The following CCSER1 variants were observed in gnomAD, a reference collection of about 807,000 sequenced individuals.
The protein encoded by CCSER1 is serine-rich coiled-coil domain-containing protein 1.
A neutral mutation model predicts 82.0 loss-of-function variants in CCSER1; 41 were observed. The observed-to-expected ratio is 0.50, with a 90% CI of 0.39 to 0.65. The LOEUF (loss-of-function observed/expected upper bound fraction) is 0.65, where lower values mean the gene tolerates loss of function less well. CCSER1 is among the 30% of genes least tolerant of loss of function. The probability of loss-of-function intolerance (pLI) is 0.00; values close to 1 mark genes in which losing one functional copy is unlikely to be tolerated. For synonymous variants in CCSER1, 414 were observed against 383.9 expected, an observed-to-expected ratio of 1.08 and a Z score of -0.92; for missense variants, 1,119 against 1,064.2, an observed-to-expected ratio of 1.05 and a Z score of -0.72.
At chr4:90,552,942 C>G (rs181620769) in intron 5 of CCSER1, among the ~76,000 whole-genome samples, 1 of 151,172 alleles carries the variant, frequency 6.6e-6, no homozygotes, top group Admixed American at 6.6e-5. Flanking sequence ...AGTGTTAGCT[C>G]TTAACAATTC....
intron 10 of CCSER1, among the ~76,000 whole-genome samples, chr4:91,356,337 G>T (rs1210760121): frequency 6.6e-6 from 1 of 152,224 alleles, no homozygotes; most frequent in Non-Finnish European, 1.5e-5. Context: ...GTTGCTGTTG[G>T]TTGTAATAGA....
At chr4:90,557,433 T>C (rs1006670034) in intron 5 of CCSER1, among the ~76,000 whole-genome samples, 2 of 152,098 alleles carry the variant, frequency 1.3e-5, no homozygotes, top group African/African-American at 4.8e-5. Context: ...GTAGAACAAA[T>C]TGGCCTCATT....
At chr4:90,609,762 T>G (rs1560805949) in intron 5 of CCSER1, among the ~76,000 whole-genome samples, 1 of 152,236 alleles carries the variant, frequency 6.6e-6, no homozygotes, top group East Asian at 1.9e-4. Flanking sequence ...TAGATTCGGC[T>G]ACTGAATTTA....
chr4:91,510,781 CTG>C (rs1460316828), intron 10 of CCSER1, among the ~76,000 whole-genome samples: 8 of 152,124 alleles, frequency 5.3e-5, no homozygotes, highest in Admixed American at 5.2e-4. Context: ...GTTGTATACT[CTG>C]TACTTTTTGC....
At chr4:90,516,592 T>C (rs1772305645) in intron 5 of CCSER1, among the ~76,000 whole-genome samples, 3 of 152,134 alleles carry the variant, frequency 2.0e-5, no homozygotes, top group African/African-American at 7.2e-5. Context: ...TGACCCTGCT[T>C]TACCTTCTGC....
chr4:91,168,670 C>G (rs1732427758), intron 10 of CCSER1, among the ~76,000 whole-genome samples: 2 of 152,100 alleles, frequency 1.3e-5, no homozygotes, highest in Admixed American at 6.5e-5. Context: ...GCCCGACCGC[C>G]CCATCTGGGA....
At chr4:90,295,047 G>C (rs1435432985) in intron 1 of CCSER1, among the ~76,000 whole-genome samples, 2 of 151,638 alleles carry the variant, frequency 1.3e-5, no homozygotes, top group African/African-American at 4.8e-5. Context: ...TATATGTTTA[G>C]CTCTTATATA....
chr4:90,423,729 G>A (rs1180413896), intron 4 of CCSER1, among the ~76,000 whole-genome samples: 1 of 151,898 alleles, frequency 6.6e-6, no homozygotes, highest in African/African-American at 2.4e-5. Context: ...CGCCTGCATC[G>A]GCTTCCCAAA....
chr4:90,932,103 T>C (rs1729893883), intron 9 of CCSER1, among the ~76,000 whole-genome samples: 1 of 152,204 alleles, frequency 6.6e-6, no homozygotes, highest in Non-Finnish European at 1.5e-5. Context: ...TTATGCTCTG[T>C]AAAATAAGAA....
chr4:91,407,612 G>A (rs1233803830), intron 10 of CCSER1, among the ~76,000 whole-genome samples: 1 of 152,168 alleles, frequency 6.6e-6, no homozygotes, highest in Non-Finnish European at 1.5e-5. Context: ...GCATCATGTA[G>A]CTTCTGCTTC....
chr4:91,485,144 T>G (rs1758147356), intron 10 of CCSER1, among the ~76,000 whole-genome samples: 1 of 152,020 alleles, frequency 6.6e-6, no homozygotes, highest in Non-Finnish European at 1.5e-5. Context: ...TAACATTTCT[T>G]TGGTATGAAA....
At chr4:90,905,476 A>G (rs985776364) in intron 8 of CCSER1, among the ~76,000 whole-genome samples, 47 of 151,942 alleles carry the variant, frequency 3.1e-4, no homozygotes, top group Non-Finnish European at 4.3e-4. Context: ...TCCCTTGCTT[A>G]CTGCCTGGCT....
At chr4:91,246,756 C>G (rs998440733) in intron 10 of CCSER1, among the ~76,000 whole-genome samples, 1 of 151,272 alleles carries the variant, frequency 6.6e-6, no homozygotes, top group African/African-American at 2.4e-5. Context: ...TCTCATGTAC[C>G]CCATTAGTAT....
intron 4 of CCSER1, among the ~76,000 whole-genome samples, chr4:90,436,641 T>C (rs2153569844): frequency 6.6e-6 from 1 of 152,298 alleles, no homozygotes; most frequent in Non-Finnish European, 1.5e-5. Flanking sequence ...TTTCTTTTAG[T>C]CTACTATGTT....
At chr4:91,313,881 T>C (rs892205168) in intron 10 of CCSER1, among the ~76,000 whole-genome samples, 4 of 152,004 alleles carry the variant, frequency 2.6e-5, no homozygotes, top group African/African-American at 4.8e-5. Context: ...AGACACTTCA[T>C]AGAATTGGAA....
At chr4:90,506,561 G>A (rs529969465) in intron 5 of CCSER1, among the ~76,000 whole-genome samples, 75 of 152,082 alleles carry the variant, frequency 4.9e-4, no homozygotes, top group African/African-American at 1.6e-3. Flanking sequence ...TCAGGAGTTC[G>A]AGACCAGCCT....
At chr4:90,566,730 A>G (rs557754968) in intron 5 of CCSER1, among the ~76,000 whole-genome samples, 27 of 151,424 alleles carry the variant, frequency 1.8e-4, no homozygotes, top group Admixed American at 1.4e-3. Context: ...AGCCTCCCGA[A>G]TAGCTGGGAC....
chr4:90,537,793 T>C (rs1483690530), intron 5 of CCSER1, among the ~76,000 whole-genome samples: 1 of 152,132 alleles, frequency 6.6e-6, no homozygotes, highest in Admixed American at 6.6e-5. Flanking sequence ...CTTTAGAGGA[T>C]CTTTGTTATG....
At chr4:90,984,237 G>A (rs1041698941) in intron 9 of CCSER1, among the ~76,000 whole-genome samples, 5 of 151,830 alleles carry the variant, frequency 3.3e-5, no homozygotes, top group Middle Eastern at 3.4e-3. Flanking sequence ...GCAATGTACC[G>A]AGTACTGTGT....
Sources: gnomAD v4.1 joint callset for allele counts (sites outside exome capture counted in the v4.1 genomes callset) on GRCh38, gnomAD v4.1.1 for gene constraint, MANE v1.5 for transcripts, NCBI Gene and HGNC (gene_info 2026-07-23, HGNC 2026-07-21) for gene names.